Variants in CLASP1 observed in about 807,000 individuals in gnomAD.
CLASP1 encodes CLIP-associating protein 1.
A neutral mutation model predicts 192.3 loss-of-function variants in CLASP1; 38 were observed. The observed-to-expected ratio is 0.20, with a 90% CI of 0.15 to 0.26. The LOEUF (loss-of-function observed/expected upper bound fraction) is 0.26. Ranked by LOEUF, CLASP1 falls within the 10% of genes least tolerant of loss-of-function variation. CLASP1 has a pLI of 1.00. For synonymous variants in CLASP1, 691 were observed against 712.8 expected (o/e 0.97, Z 0.49); for missense variants, 1,433 against 1,932.5 (o/e 0.74, Z 4.85).
intron 2 of CLASP1, among the ~76,000 whole-genome samples, chr2:121,580,983 A>T (rs1219033660): frequency 1.3e-5 from 2 of 152,226 alleles, no homozygotes; most frequent in Non-Finnish European, 2.9e-5. Flanking sequence ...CCATGCCCTC[A>T]ATCAGTCAAA....
intron 2 of CLASP1, among the ~76,000 whole-genome samples, chr2:121,589,289 G>A (rs538229052): frequency 1.7e-4 from 26 of 152,226 alleles, no homozygotes; most frequent in African/African-American, 6.3e-4. Context: ...GAATCAAATG[G>A]AGAATCAAAT....
intron 2 of CLASP1, among the ~76,000 whole-genome samples, chr2:121,597,548 T>C (rs2063284853): frequency 6.6e-6 from 1 of 152,222 alleles, no homozygotes; most frequent in Admixed American, 6.5e-5. Flanking sequence ...CATTAATATT[T>C]TTGTAGTGAA....
exon 40 of CLASP1, chr2:121,339,169 AC>A (rs1276812673): frequency 2.0e-5 from 3 of 151,600 alleles, no homozygotes; most frequent in Non-Finnish European, 4.4e-5. Context: ...ACACACACAC[AC>A]GTCAGCACCC....
intron 19 of CLASP1, among the ~76,000 whole-genome samples, chr2:121,440,090 A>AT (rs2083043828): frequency 7.1e-6 from 1 of 140,366 alleles, no homozygotes; most frequent in South Asian, 2.2e-4. Context: ...TAATTAAAAA[A>AT]AAAACTAAAA....
chr2:121,612,602 G>A (rs765423188), intron 1 of CLASP1, among the ~76,000 whole-genome samples: 2 of 152,072 alleles, frequency 1.3e-5, no homozygotes, highest in Non-Finnish European at 2.9e-5. Context: ...GGAGCTGGAG[G>A]AGGAAGTAAA....
At chr2:121,513,021 T>C (rs945396606) in intron 7 of CLASP1, 1 of 152,238 alleles carries the variant, frequency 6.6e-6, no homozygotes, top group African/African-American at 2.4e-5. Context: ...AAGAGAAGTC[T>C]CGACTATTCA....
intron 22 of CLASP1, among the ~76,000 whole-genome samples, chr2:121,420,736 C>G (rs1345178335): frequency 6.6e-6 from 1 of 152,172 alleles, no homozygotes; most frequent in Non-Finnish European, 1.5e-5. Context: ...CAAGTTCATG[C>G]TTAGTTGAGC....
At chr2:121,638,803 G>A (rs2071433897) in intron 1 of CLASP1, among the ~76,000 whole-genome samples, 1 of 151,984 alleles carries the variant, frequency 6.6e-6, no homozygotes, top group South Asian at 2.1e-4. Context: ...AAGTAGCTGA[G>A]ATTACAGGCA....
chr2:121,549,550 A>C (rs1378905631), intron 2 of CLASP1, among the ~76,000 whole-genome samples: 1 of 152,108 alleles, frequency 6.6e-6, no homozygotes, highest in Non-Finnish European at 1.5e-5. Context: ...AAAATTTATA[A>C]AGATATTCAA....
chr2:121,419,241 A>G (rs893993099), intron 22 of CLASP1, among the ~76,000 whole-genome samples: 7 of 152,216 alleles, frequency 4.6e-5, no homozygotes, highest in African/African-American at 1.7e-4. Flanking sequence ...CACTGCTCCC[A>G]GGCTGGCCAT....
intron 1 of CLASP1, among the ~76,000 whole-genome samples, chr2:121,623,389 G>A (rs1271518488): frequency 6.6e-6 from 1 of 152,142 alleles, no homozygotes; most frequent in Non-Finnish European, 1.5e-5. Flanking sequence ...TTCCCACTCG[G>A]TCACAGTACA....
At chr2:121,535,397 CA>C in intron 2 of CLASP1, among the ~76,000 whole-genome samples, 1 of 152,206 alleles carries the variant, frequency 6.6e-6, no homozygotes, top group South Asian at 2.1e-4. Context: ...ATAGGTTAAA[CA>C]AATAATACAA....
intron 8 of CLASP1, among the ~76,000 whole-genome samples, chr2:121,502,922 G>A (rs1446415541): frequency 1.3e-5 from 2 of 152,172 alleles, no homozygotes; most frequent in African/African-American, 4.8e-5. Flanking sequence ...GAGTTCCTGG[G>A]ATTCAGGACG....
At chr2:121,410,778 T>C in intron 24 of CLASP1, 88 bp downstream of exon 25, 1 of 701,218 alleles carries the variant, frequency 1.4e-6, no homozygotes, top group Non-Finnish European at 2.3e-6. Context: ...ATTCATAACC[T>C]GATTTGGGGG....
intron 28 of CLASP1, among the ~76,000 whole-genome samples, chr2:121,399,121 CTTA>C (rs2075768237): frequency 6.6e-6 from 1 of 152,172 alleles, no homozygotes; most frequent in Non-Finnish European, 1.5e-5. Flanking sequence ...TTTGGACTCT[CTTA>C]GAGATTTTTC....
intron 22 of CLASP1, among the ~76,000 whole-genome samples, chr2:121,420,242 AT>A (rs2079259982): frequency 6.6e-6 from 1 of 152,224 alleles, no homozygotes; most frequent in Non-Finnish European, 1.5e-5. Flanking sequence ...TGCCAGAGTG[AT>A]GTGAAAGCAC....
chr2:121,408,652 T>C (rs2077256170), intron 24 of CLASP1, among the ~76,000 whole-genome samples: 2 of 152,220 alleles, frequency 1.3e-5, no homozygotes, highest in Admixed American at 1.3e-4. Context: ...AAAAGCATTT[T>C]TGTTTGGATA....
chr2:121,544,366 T>C (rs2095289797), intron 2 of CLASP1, among the ~76,000 whole-genome samples: 1 of 151,682 alleles, frequency 6.6e-6, no homozygotes, highest in East Asian at 1.9e-4. Context: ...TTTCTCAGAG[T>C]TCATGCCAGG....
chr2:121,464,046 C>G (rs1018703595), intron 9 of CLASP1, among the ~76,000 whole-genome samples: 3 of 135,522 alleles, frequency 2.2e-5, no homozygotes, highest in East Asian at 2.2e-4. Flanking sequence ...CTTCCTGTGT[C>G]CATGTGTTCT....
Sources: gnomAD v4.1 joint callset for allele counts (sites outside exome capture counted in the v4.1 genomes callset) on GRCh38, gnomAD v4.1.1 for gene constraint, MANE v1.5 for transcripts, NCBI Gene and HGNC (gene_info 2026-07-23, HGNC 2026-07-21) for gene names.